The following STARD3 variants were observed in gnomAD, a reference collection of about 807,000 sequenced individuals.
STARD3 encodes stAR-related lipid transfer protein 3.
STARD3 carries 39 observed loss-of-function variants against 62.0 expected under a neutral mutation model. The observed-to-expected ratio is 0.63, with a 90% CI of 0.49 to 0.82. The LOEUF is 0.82. Ranked by LOEUF, STARD3 falls within the 40% of genes least tolerant of loss-of-function variation. STARD3 has a pLI of 0.00. For synonymous variants in STARD3, 229 were observed against 242.4 expected (o/e 0.94, Z 0.51); for missense variants, 543 against 584.5 (o/e 0.93, Z 0.73).
chr17:39,650,733 G>A (rs2057070587), intron 1 of STARD3, among the ~76,000 whole-genome samples: 1 of 152,216 alleles, frequency 6.6e-6, no homozygotes, highest in African/African-American at 2.4e-5. Flanking sequence ...AGGATCGCTT[G>A]AGCTTAGAAG....
chr17:39,660,644 CAG>C lies in STARD3; in HGVS notation c.954+119_954+120del. On this transcript the variant is annotated intron_variant, in intron 11 of 14. Coordinates refer to ENST00000336308, the MANE Select transcript of STARD3 (RefSeq NM_006804.4). The surrounding 1 kb of genome is among the most constrained non-coding windows in gnomAD (Gnocchi z 4.8). ...ATCTGTACAGTGGGTGTGATGGTAA[CAG>C]TGCCTGCTCGGGAGGGTCGGGAGGA... The C allele has an allele frequency of 4.4e-6, 6 of 1,376,426 alleles. No homozygotes were observed. The South Asian group carries it at 6.1e-5, about 14-fold the overall frequency. The allele number at this position is 1,376,426 out of a possible 1,614,324, so 85.3% of individuals were successfully genotyped here.
Position 39,662,888 on chromosome 17 carries a change from G to C in STARD3, c.1318G>C (p.Glu440Gln). 1.2e-6 allele frequency: 2 copies of C among 1,612,140 alleles called. No homozygotes were observed. Among genetic ancestry groups the C allele is most frequent in the South Asian group, 2.2e-5 (2 of 90,902 alleles). ...CTTTCACCTGCGACAGCGCATCAGC[G>C]AGCTGGGGGCCCGGGCGTGACTGTG... ...FAFHLRQRIS[E>Q]LGARA Residue 440 changes from glutamate to glutamine, a missense_variant, in exon 15 of 15, where the codon GAG (glutamate) becomes CAG (glutamine). Transcript: ENST00000336308.
chr17:39,640,361 T>A (rs1217218764), intron 1 of STARD3, among the ~76,000 whole-genome samples: 1 of 152,106 alleles, frequency 6.6e-6, no homozygotes, highest in Non-Finnish European at 1.5e-5. Flanking sequence ...TGCCTTGGGG[T>A]CCCAGCCTCC....
chr17:39,637,906 A>C (rs2056947750), intron 1 of STARD3, among the ~76,000 whole-genome samples: 1 of 152,086 alleles, frequency 6.6e-6, no homozygotes, highest in African/African-American at 2.4e-5. Flanking sequence ...CCACGGCTTC[A>C]GCTTTACACC....
Position 39,653,625 on chromosome 17 carries a change from C to G in STARD3, c.94C>G (p.Leu32Val), listed in dbSNP as rs781680172. The change falls in exon 2 of 15, where the codon CTC becomes GTC. Residue 32 changes from leucine (L) to valine (V), a missense_variant. Leu to Val is a conservative substitution (Grantham distance 32). Coordinates refer to ENST00000336308, the MANE Select transcript of STARD3 (RefSeq NM_006804.4). ...CTCCTCACTGTCCCACAGCCAGAGC[C>G]TCTCCTCGCACCTCCTTCCGCCGCC... ...LGSSLSHSQS[L>V]SSHLLPPPEK... is the part of the protein sequence containing the mutation. 6.2e-7 allele frequency: 1 copy of G among 1,613,700 alleles called. No individual in the cohort carries two copies. Among genetic ancestry groups the G allele is most frequent in the Non-Finnish European group, 8.5e-7 (1 of 1,180,032 alleles).
At chr17:39,659,242 C>A in intron 8 of STARD3, 136 bp downstream of exon 8, 1 of 1,199,742 alleles carries the variant, frequency 8.3e-7, no homozygotes, top group Non-Finnish European at 1.2e-6. Context: ...GAGTGTCTCC[C>A]CCACCACCAG....
chr17:39,658,265 C>A, intron 5 of STARD3, 140 bp from the exon 6 acceptor site: 1 of 866,484 alleles, frequency 1.2e-6, no homozygotes, highest in Non-Finnish European at 1.8e-6. Context: ...TATCCTGCTG[C>A]AGACTTGAGA....
At chr17:39,655,612 C>T (rs1444434921) in intron 2 of STARD3, among the ~76,000 whole-genome samples, 1 of 152,318 alleles carries the variant, frequency 6.6e-6, no homozygotes, top group East Asian at 1.9e-4. Flanking sequence ...TGTCATGAAA[C>T]ATTTCAGAAT....
At chr17:39,640,537 C>T (rs2056974174) in intron 1 of STARD3, among the ~76,000 whole-genome samples, 1 of 149,630 alleles carries the variant, frequency 6.7e-6, no homozygotes. Context: ...GTCCCTTGCC[C>T]TATGGGGGCC....
intron 13 of STARD3, 94 bp downstream of exon 13, chr17:39,661,179 C>T: frequency 1.8e-6 from 2 of 1,128,660 alleles, no homozygotes; most frequent in Non-Finnish European, 2.6e-6. Context: ...GGGCACTTCC[C>T]CTGCTGAGGC....
At position 39,658,459 on chromosome 17, in the gene STARD3, G is replaced by A. The variant is rs1333228396; in HGVS notation, c.484G>A (p.Ala162Thr). ...YLLPIVSFVL[A>T]WLETWFLDFK... ...GCTCCCCATCGTCTCTTTTGTCCTC[G>A]CCTGGTTGGAGACCTGGTTCCTTGA... is the stretch of plus-strand genomic sequence containing the variant. Residue 162 changes from alanine (A) to threonine (T), a missense_variant, in exon 6 of 15, where the codon GCC becomes ACC. Transcript: ENST00000336308. The A allele has an allele frequency of 9.9e-6, 16 of 1,614,028 alleles. No homozygotes were observed. The highest frequency in any genetic ancestry group is 1.7e-5 in the Admixed American group (1 of 60,004).
In STARD3 at chr17:39,657,964, C is replaced by G. The variant is rs757078035; in HGVS notation, c.376-9C>G. 77 of 1,597,494 alleles carry G rather than the reference C, an allele frequency of 4.8e-5. 1 individual carries two copies. In the Middle Eastern group the frequency reaches 4.7e-3, roughly 97 times the overall value. On this transcript the variant is annotated splice_polypyrimidine_tract_variant and intron_variant, in intron 4 of 14. Coordinates refer to ENST00000336308, the MANE Select transcript of STARD3 (RefSeq NM_006804.4). ...TGCCTTCCCCTTCCTCCCTCCCTCCCCTGGGCAGGTCACGACGCTGGTGTC... is the reference window on the plus strand; with the variant it reads ...TGCCTTCCCCTTCCTCCCTCCCTCCGCTGGGCAGGTCACGACGCTGGTGTC...
At chr17:39,655,469 C>T (rs947763304) in intron 2 of STARD3, among the ~76,000 whole-genome samples, 1 of 152,106 alleles carries the variant, frequency 6.6e-6, no homozygotes, top group African/African-American at 2.4e-5. Context: ...GAGGCATGAG[C>T]CACTGTGCCT....
intron 2 of STARD3, among the ~76,000 whole-genome samples, chr17:39,654,598 G>T (rs2057109772): frequency 6.6e-6 from 1 of 151,840 alleles, no homozygotes; most frequent in African/African-American, 2.4e-5. Context: ...TCCAGGCAGG[G>T]CCAAGCCCAC....
At chr17:39,659,636 A>G in intron 9 of STARD3, 83 bp downstream of exon 9, 3 of 1,435,516 alleles carry the variant, frequency 2.1e-6, no homozygotes, top group Non-Finnish European at 2.9e-6. Flanking sequence ...AAGAAACCCA[A>G]AGATTACATG....
chr17:39,647,580 G>GGGC (rs1343995302), intron 1 of STARD3, among the ~76,000 whole-genome samples: 1 of 152,202 alleles, frequency 6.6e-6, no homozygotes, highest in African/African-American at 2.4e-5. Flanking sequence ...GGACTGCACA[G>GGGC]GGCAGTTCCA....
At chr17:39,644,840 C>T (rs1000039681) in intron 1 of STARD3, among the ~76,000 whole-genome samples, 18 of 147,326 alleles carry the variant, frequency 1.2e-4, no homozygotes, top group Admixed American at 6.7e-5. Flanking sequence ...CCAGCATGGG[C>T]GACAGAGTCT....
Position 39,662,322 on chromosome 17 carries a change from G to T in STARD3, c.1211G>T (p.Trp404Leu). 1.2e-6 allele frequency: 2 copies of T among 1,614,046 alleles called. No individual in the cohort carries two copies. Among genetic ancestry groups the T allele is most frequent in the Non-Finnish European group, 1.7e-6 (2 of 1,179,972 alleles). ...AACCCCCGTGTTTGCACCTTTGTCTGGATTCTTAATACAGATCTCAAGGTG... is the reference window on the plus strand; with the variant it reads ...AACCCCCGTGTTTGCACCTTTGTCTTGATTCTTAATACAGATCTCAAGGTG... ...ASNPRVCTFV[W>L]ILNTDLKGRL... The change falls in exon 14 of 15, where the codon TGG becomes TTG. Residue 404 changes from tryptophan to leucine, a missense_variant. Transcript: ENST00000336308.
At chr17:39,640,860 C>T (rs1434331504) in intron 1 of STARD3, among the ~76,000 whole-genome samples, 1 of 152,206 alleles carries the variant, frequency 6.6e-6, no homozygotes, top group Non-Finnish European at 1.5e-5. Context: ...TTCTATTTGG[C>T]TTAACTCTTC....
Sources: allele counts gnomAD v4.1 joint callset (sites outside exome capture counted in the v4.1 genomes callset), GRCh38; gene constraint gnomAD v4.1.1; non-coding constraint Gnocchi (gnomAD v3.1); transcripts MANE v1.5; gene names NCBI Gene and HGNC (gene_info 2026-07-23, HGNC 2026-07-21).